The following VTI1A variants were observed in gnomAD, a reference collection of about 807,000 sequenced individuals.
VTI1A encodes the protein vesicle transport through interaction with t-SNAREs homolog 1A.
In VTI1A, 22 loss-of-function variants were observed where a neutral mutation model predicts 34.9. That is an observed-to-expected ratio of 0.63 (90% CI 0.45 to 0.90). VTI1A has a LOEUF of 0.90. VTI1A is among the 40% of genes least tolerant of loss of function. The pLI is 0.00. For missense variants in VTI1A, 268 were observed against 275.6 expected, an observed-to-expected ratio of 0.97 and a Z score of 0.20; for synonymous variants, 87 against 97.3, an observed-to-expected ratio of 0.89 and a Z score of 0.62.
chr10:112,516,758 T>C (rs1401201979), intron 3 of VTI1A, among the ~76,000 whole-genome samples: 1 of 152,082 alleles, frequency 6.6e-6, no homozygotes, highest in Non-Finnish European at 1.5e-5. Flanking sequence ...GTTTAATTCA[T>C]AGGGCCTGCT....
At chr10:112,804,146 C>G (rs1215521395) in intron 7 of VTI1A, among the ~76,000 whole-genome samples, 1 of 152,198 alleles carries the variant, frequency 6.6e-6, no homozygotes. Context: ...GGCTGCCTTC[C>G]CAGGCTGGGA....
chr10:112,668,913 G>A (rs1847745076), intron 6 of VTI1A, 24 bp from the exon 7 acceptor site: 1 of 1,610,782 alleles, frequency 6.2e-7, no homozygotes, highest in African/African-American at 1.3e-5. Context: ...ATGAACTTCT[G>A]TTTTGTTTTG....
At chr10:112,809,033 T>C (rs1380042973) in intron 7 of VTI1A, among the ~76,000 whole-genome samples, 1 of 152,202 alleles carries the variant, frequency 6.6e-6, no homozygotes, top group Non-Finnish European at 1.5e-5. Context: ...AGAGCTGTCA[T>C]TGGCTGGGCC....
intron 7 of VTI1A, among the ~76,000 whole-genome samples, chr10:112,671,165 T>C (rs1000203993): frequency 6.6e-6 from 1 of 152,236 alleles, no homozygotes; most frequent in African/African-American, 2.4e-5. Context: ...CAAAGCCTTT[T>C]ATTGAATGCT....
chr10:112,497,344 T>C (rs1849066023), intron 3 of VTI1A, among the ~76,000 whole-genome samples: 1 of 151,924 alleles, frequency 6.6e-6, no homozygotes, highest in Non-Finnish European at 1.5e-5. Flanking sequence ...TAATAATAAA[T>C]AAAGTGATAC....
At chr10:112,758,636 C>T (rs145501628) in intron 7 of VTI1A, among the ~76,000 whole-genome samples, 374 of 152,338 alleles carry the variant, frequency 2.5e-3, no homozygotes, top group African/African-American at 8.4e-3. Flanking sequence ...TGGGATCAGG[C>T]TCTGGCCCTG....
At chr10:112,449,211 A>G (rs1485268509) in intron 1 of VTI1A, 1 of 152,250 alleles carries the variant, frequency 6.6e-6, no homozygotes, top group South Asian at 2.1e-4. Context: ...GCCTCAGAGT[A>G]TCAGGACTTG....
chr10:112,688,096 G>A (rs1361297820), intron 7 of VTI1A, among the ~76,000 whole-genome samples: 1 of 151,618 alleles, frequency 6.6e-6, no homozygotes, highest in Non-Finnish European at 1.5e-5. Context: ...TGGGATTACA[G>A]ATGTGCGCCA....
At chr10:112,591,529 C>CACACACAT (rs1183903546) in intron 5 of VTI1A, among the ~76,000 whole-genome samples, 5 of 152,108 alleles carry the variant, frequency 3.3e-5, no homozygotes, top group African/African-American at 1.2e-4. Flanking sequence ...CACACACACA[C>CACACACAT]ACACACACAA....
At chr10:112,697,672 A>G (rs1326107681) in intron 7 of VTI1A, among the ~76,000 whole-genome samples, 5 of 152,090 alleles carry the variant, frequency 3.3e-5, no homozygotes, top group Non-Finnish European at 5.9e-5. Context: ...CTGAGATTAC[A>G]GGAGTGAGCC....
At chr10:112,719,348 C>G (rs1849714380) in intron 7 of VTI1A, among the ~76,000 whole-genome samples, 2 of 152,134 alleles carry the variant, frequency 1.3e-5, no homozygotes, top group African/African-American at 4.8e-5. Context: ...TGCTATTATA[C>G]AAACATACAT....
At chr10:112,579,517 C>T (rs1843840579) in intron 5 of VTI1A, among the ~76,000 whole-genome samples, 1 of 151,848 alleles carries the variant, frequency 6.6e-6, no homozygotes, top group African/African-American at 2.4e-5. Flanking sequence ...GTCTGGGCAA[C>T]ATAGTGAGAC....
At chr10:112,703,829 CATT>C (rs1251285659) in intron 7 of VTI1A, among the ~76,000 whole-genome samples, 1 of 152,110 alleles carries the variant, frequency 6.6e-6, no homozygotes, top group Non-Finnish European at 1.5e-5. Context: ...TAGAAATAAT[CATT>C]ATTTAGGTAG....
rs780241914 is a variant in VTI1A, at chr10:112,714,944, G to A, written c.560+45946G>A. Among the ~76,000 whole-genome samples, 26 of 152,258 alleles carry A rather than the reference G, an allele frequency of 1.7e-4. No homozygotes were observed. The Middle Eastern group carries it at 0.014, about 80-fold the overall frequency. On this transcript the variant is annotated intron_variant, in intron 7 of 7. Transcript: ENST00000393077. ...TGGTTCTCTTAGAATTGTCATCAGC[G>A]TTGCAGGTTATAAGTTATATGGATA...
intron 7 of VTI1A, among the ~76,000 whole-genome samples, chr10:112,780,185 C>T (rs1852077545): frequency 6.7e-6 from 1 of 149,980 alleles, no homozygotes; most frequent in Non-Finnish European, 1.5e-5. Flanking sequence ...CTAGGAGGAT[C>T]GTTTGAGCCC....
Position 112,538,331 on chromosome 10 carries a change from G to C in VTI1A, c.427+1G>C. On this transcript the variant is annotated splice_donor_variant, in intron 5 of 7. Transcript: ENST00000393077. LOFTEE classifies it high-confidence loss of function. ...GGATACCAAATAGCAGTGGAAACCG[G>C]TAAGAATTCTGAGAGTGAGCAAATT... The C allele has an allele frequency of 6.2e-7, 1 of 1,613,546 alleles. No individual in the cohort carries two copies. The highest frequency in any genetic ancestry group is 8.5e-7 in the Non-Finnish European group (1 of 1,179,606).
At chr10:112,478,663 A>ATCACT (rs528717773) in intron 3 of VTI1A, among the ~76,000 whole-genome samples, 139 of 152,342 alleles carry the variant, frequency 9.1e-4, no homozygotes, top group Middle Eastern at 3.4e-3. Context: ...TTAGAAATTA[A>ATCACT]TCACTCTATG....
At chr10:112,533,487 A>G (rs1850515670) in intron 4 of VTI1A, 5 of 1,005,204 alleles carry the variant, frequency 5.0e-6, no homozygotes, top group Non-Finnish European at 6.0e-6. Flanking sequence ...CTTTCCTGCC[A>G]TTTCTTTCCT....
At chr10:112,732,088 C>T (rs1028816717) in intron 7 of VTI1A, among the ~76,000 whole-genome samples, 1 of 151,776 alleles carries the variant, frequency 6.6e-6, no homozygotes, top group African/African-American at 2.4e-5. Flanking sequence ...ACAGCAACTT[C>T]ACTTGTAAAA....
Sources: allele counts gnomAD v4.1 joint callset (sites outside exome capture counted in the v4.1 genomes callset), GRCh38; gene constraint gnomAD v4.1.1; transcripts MANE v1.5; gene names NCBI Gene and HGNC (gene_info 2026-07-23, HGNC 2026-07-21).